BMP1: variants seen among roughly 807,000 people sequenced by gnomAD.
BMP1 encodes mammalian tolloid protein.
Under a neutral mutation model 116.8 loss-of-function variants are expected in BMP1, and 63 were observed. That is an observed-to-expected ratio of 0.54 (90% CI 0.44 to 0.67). The LOEUF (loss-of-function observed/expected upper bound fraction) is 0.67. Ranked by LOEUF, BMP1 falls within the 30% of genes least tolerant of loss-of-function variation. BMP1 has a pLI of 0.00. For synonymous variants in BMP1, 536 were observed against 533.4 expected, an observed-to-expected ratio of 1.00 and a Z score of -0.07; for missense variants, 1,183 against 1,358.9, an observed-to-expected ratio of 0.87 and a Z score of 2.04.
intron 8 of BMP1, among the ~76,000 whole-genome samples, chr8:22,188,180 T>TG (rs1828830872): frequency 6.7e-6 from 1 of 148,472 alleles, no homozygotes; most frequent in African/African-American, 2.5e-5. Context: ...GTTTTGGGTT[T>TG]TTTTTTTTTT....
Position 22,194,750 on chromosome 8 carries a change from C to T in BMP1, c.1470C>T (p.Tyr490=), listed in dbSNP as rs375901212. 2.7e-5 allele frequency: 44 copies of T among 1,610,916 alleles called. No homozygotes were observed. Among genetic ancestry groups the T allele is most frequent in the African/African-American group, 4.0e-5 (3 of 74,780 alleles). Residue 490 remains tyrosine, a synonymous_variant, in exon 12 of 20, where the codon TAC becomes TAT. Transcript: ENST00000306385. The surrounding 1 kb of genome is among the most constrained non-coding windows in gnomAD (Gnocchi z 4.5). ...FEIERHDSCA[Y]DYLEVRDGHS... The stretch of plus-strand genomic sequence containing the variant: ...TTGAGCGCCACGACAGCTGTGCCTA[C>T]GACTATCTGGAGGTGCGCGACGGGC...
chr8:22,196,343 C>A, intron 13 of BMP1: 1 of 580,670 alleles, frequency 1.7e-6, no homozygotes. Context: ...TTTCCTGCAC[C>A]TCCCAGGACC....
chr8:22,165,583 G>A (rs750747298), intron 1 of BMP1, 30 bp downstream of exon 1: 13 of 1,550,992 alleles, frequency 8.4e-6, no homozygotes, highest in African/African-American at 1.4e-5. Context: ...CCGGCGACGG[G>A]CCAGGCGGGG....
intron 8 of BMP1, among the ~76,000 whole-genome samples, chr8:22,187,792 ATTTATTG>A (rs1828819016): frequency 6.6e-6 from 1 of 152,134 alleles, no homozygotes; most frequent in African/African-American, 2.4e-5. Context: ...CAAAGTTAAC[ATTTATTG>A]AGTGCTTACT....
At chr8:22,204,737 G>GC (rs367545402) in intron 16 of BMP1, among the ~76,000 whole-genome samples, 1 of 55,348 alleles carries the variant, frequency 1.8e-5, no homozygotes, top group African/African-American at 6.1e-5. Context: ...CACCCCGCCC[G>GC]CCCCCGCAAA....
intron 8 of BMP1, among the ~76,000 whole-genome samples, chr8:22,186,845 T>C (rs574065207): frequency 3.3e-5 from 5 of 152,344 alleles, no homozygotes; most frequent in African/African-American, 1.2e-4. Flanking sequence ...CTAACCGTGA[T>C]TCCCTTCTTA....
intron 15 of BMP1, chr8:22,201,255 G>C: frequency 3.8e-6 from 6 of 1,577,110 alleles, no homozygotes; most frequent in Non-Finnish European, 5.1e-6. Context: ...CACCTTGGAC[G>C]GAATGGGATG....
intron 18 of BMP1, 61 bp downstream of exon 18, chr8:22,207,577 G>A (rs1469507122): frequency 2.3e-5 from 36 of 1,577,084 alleles, no homozygotes; most frequent in East Asian, 6.8e-5. Context: ...GGGTAGAGTC[G>A]GGGGTTTCAA....
intron 12 of BMP1, 128 bp downstream of exon 12, chr8:22,195,047 T>A: frequency 9.6e-7 from 1 of 1,037,156 alleles, no homozygotes; most frequent in Non-Finnish European, 1.4e-6. Flanking sequence ...GCTGTGCCCT[T>A]AAGGAGCTCT....
intron 15 of BMP1, among the ~76,000 whole-genome samples, chr8:22,198,228 G>T (rs1829147689): frequency 6.6e-6 from 1 of 152,114 alleles, no homozygotes; most frequent in South Asian, 2.1e-4. Context: ...AAAGCCTTGG[G>T]GCTCCCCTGA....
Position 22,211,771 on chromosome 8 carries a change from G to C in BMP1, c.*43G>C, listed in dbSNP as rs1158944698. On this transcript the variant is annotated 3_prime_UTR_variant, in exon 20 of 20. Coordinates refer to ENST00000306385, the MANE Select transcript of BMP1 (RefSeq NM_006129.5). ...GCGGGGACTGGAGCCTGCTGCCCTTGGTCGCCTAGACTGGATAGTGGGGGT... is the reference window on the plus strand; with the variant it reads ...GCGGGGACTGGAGCCTGCTGCCCTTCGTCGCCTAGACTGGATAGTGGGGGT... The C allele has an allele frequency of 6.2e-7, 1 of 1,613,546 alleles. No individual in the cohort carries two copies. The highest frequency in any genetic ancestry group is 8.5e-7 in the Non-Finnish European group (1 of 1,179,860).
At position 22,194,547 on chromosome 8, in the gene BMP1, T is replaced by A; in HGVS notation, c.1400T>A (p.Val467Glu). 6.2e-7 allele frequency: 1 copy of A among 1,614,098 alleles called. No individual in the cohort carries two copies. The highest frequency in any genetic ancestry group is 8.5e-7 in the Non-Finnish European group (1 of 1,180,020). ...PSKVCIWRIQ[V>E]SEGFHVGLTF... is the part of the protein sequence containing the mutation. The stretch of plus-strand genomic sequence containing the variant: ...AAAGTCTGCATCTGGCGGATCCAGG[T>A]GTCTGAGGGCTTCCACGTGGGCCTC... Residue 467 changes from valine (V) to glutamate (E), a missense_variant, in exon 11 of 20, where the codon GTG becomes GAG. Coordinates refer to ENST00000306385, the MANE Select transcript of BMP1 (RefSeq NM_006129.5). This position sits in a 1 kb window ranked among gnomAD's most constrained non-coding sequence, Gnocchi z 4.5.
intron 13 of BMP1, 22 bp downstream of exon 13, chr8:22,195,609 CT>C (rs765859483): frequency 6.2e-7 from 1 of 1,603,556 alleles, no homozygotes; most frequent in Non-Finnish European, 8.5e-7. Context: ...CAGACTGCCT[CT>C]GACCCTGTTC....
At chr8:22,208,938 C>T (rs1829412728) in intron 18 of BMP1, among the ~76,000 whole-genome samples, 2 of 152,250 alleles carry the variant, frequency 1.3e-5, no homozygotes, top group African/African-American at 2.4e-5. Flanking sequence ...TCTGCCCTTC[C>T]CAGCACAGGG....
rs748611863 is a variant in BMP1, at chr8:22,207,527, C to A, written c.2575+11C>A. ...CCTCCCACGCCACAGGTACTGTCCC[C>A]GGTTGTGGGAGTGTTCACTGAGCCT... On this transcript the variant is annotated intron_variant, in intron 18 of 19. Coordinates refer to ENST00000306385, the MANE Select transcript of BMP1 (RefSeq NM_006129.5). 3.8e-5 allele frequency: 62 copies of A among 1,611,352 alleles called. No homozygotes were observed. Among genetic ancestry groups the A allele is most frequent in the Non-Finnish European group, 4.8e-5 (57 of 1,178,980 alleles).
intron 8 of BMP1, among the ~76,000 whole-genome samples, chr8:22,183,770 T>A (rs1190525830): frequency 1.3e-5 from 2 of 152,190 alleles, no homozygotes; most frequent in African/African-American, 4.8e-5. Flanking sequence ...AGAGACGGGT[T>A]TCTCCATGTT....
chr8:22,196,469 C>T, intron 13 of BMP1: 1 of 638,068 alleles, frequency 1.6e-6, no homozygotes, highest in Non-Finnish European at 2.8e-6. Context: ...GACCCCTTAG[C>T]TCCCCCACTC....
In BMP1 at chr8:22,179,560, G is replaced by A; in HGVS notation, c.837-145G>A. 2 of 1,405,148 alleles carry A rather than the reference G, an allele frequency of 1.4e-6. No individual in the cohort carries two copies. The highest frequency in any genetic ancestry group is 1.9e-6 in the Non-Finnish European group (2 of 1,043,370). The allele number at this position is 1,405,148 out of a possible 1,614,324, so 87.0% of individuals were successfully genotyped here. On this transcript the variant is annotated intron_variant, in intron 6 of 19. Coordinates refer to ENST00000306385, the MANE Select transcript of BMP1 (RefSeq NM_006129.5). The surrounding 1 kb of genome is among the most constrained non-coding windows in gnomAD (Gnocchi z 4.6). Reference sequence around the variant, plus strand: ...TCAGTGGGTAGCATAATGACAGGGTGAGACGACTCCACCCGGCCCTGACCC... The same window carrying A: ...TCAGTGGGTAGCATAATGACAGGGTAAGACGACTCCACCCGGCCCTGACCC...
intron 7 of BMP1, among the ~76,000 whole-genome samples, 180 bp from the exon 8 acceptor site, chr8:22,180,188 C>T (rs528156604): frequency 1.8e-4 from 28 of 152,092 alleles, no homozygotes; most frequent in East Asian, 3.9e-4. Flanking sequence ...GGTAGGATGG[C>T]GTGTGCTATA....
Sources: allele counts gnomAD v4.1 joint callset (sites outside exome capture counted in the v4.1 genomes callset), GRCh38; gene constraint gnomAD v4.1.1; non-coding constraint Gnocchi (gnomAD v3.1); transcripts MANE v1.5; gene names NCBI Gene and HGNC (gene_info 2026-07-23, HGNC 2026-07-21).